The following MAPK10 variants were observed in gnomAD, a reference collection of about 807,000 sequenced individuals.
MAPK10 encodes mitogen-activated protein kinase 10.
In MAPK10, 25 loss-of-function variants were observed where a neutral mutation model predicts 59.3. The ratio of observed to expected loss-of-function variants is 0.42; its 90% CI spans 0.31 to 0.59. MAPK10 has a LOEUF of 0.59. MAPK10 is among the 20% of genes least tolerant of loss of function. MAPK10 has a pLI of 0.15. For synonymous variants in MAPK10, 190 were observed against 200.5 expected, an observed-to-expected ratio of 0.95 and a Z score of 0.44; for missense variants, 351 against 568.9, an observed-to-expected ratio of 0.62 and a Z score of 3.90.
chr4:86,025,290 T>C lies in MAPK10; in HGVS notation c.1252+3907A>G, dbSNP rs562972652. On this transcript the variant is annotated intron_variant, in intron 13 of 13. Coordinates refer to ENST00000641462, the MANE Select transcript of MAPK10 (RefSeq NM_138982.4). ...GTCCACCACTATTAGATGAAAACTA[T>C]TTGCTTCTGTATGACTCCCTCTATT... The C allele has an allele frequency of 5.2e-4, 198 of 383,454 alleles. No individual in the cohort carries two copies. The Middle Eastern group carries it at 5.3e-3, about 10-fold the overall frequency. 23.8% of individuals were successfully genotyped at this position (383,454 alleles called of 1,614,324 possible).
At chr4:86,045,672 G>C (rs538253976) in intron 11 of MAPK10, among the ~76,000 whole-genome samples, 2 of 151,792 alleles carry the variant, frequency 1.3e-5, no homozygotes, top group Non-Finnish European at 2.9e-5. Context: ...ACATGACAAT[G>C]CTTGGGAACT....
rs542167088 is a variant in MAPK10 at position 86,473,548 on chromosome 4, G to C, written c.-262-118904C>G. Among the ~76,000 whole-genome samples the C allele has an allele frequency of 9.0e-4, 137 of 152,302 alleles. 1 individual carries two copies. Among genetic ancestry groups the C allele is most frequent in the Middle Eastern group, 3.4e-3 (1 of 294 alleles). On this transcript the variant is annotated intron_variant, in intron 1 of 4. Transcript: ENST00000502302. ...TAGTCTCTCTCTTCCTCCAGCCCCA[G>C]CCTAATTTTCTCTGCTACTCACATA...
chr4:86,308,671 G>A (rs182608707), intron 2 of MAPK10: 45 of 152,150 alleles, frequency 3.0e-4, no homozygotes, highest in African/African-American at 9.4e-4. Context: ...CTGATGAATC[G>A]TCGGGCTTTT....
chr4:86,480,742 G>T (rs540477927), intron 1 of MAPK10, among the ~76,000 whole-genome samples: 1 of 152,244 alleles, frequency 6.6e-6, no homozygotes, highest in South Asian at 2.1e-4. Context: ...CATCATAAGG[G>T]TTACAGCTGT....
chr4:86,109,957 T>G (rs540684861), intron 4 of MAPK10, among the ~76,000 whole-genome samples: 1 of 152,230 alleles, frequency 6.6e-6, no homozygotes, highest in Non-Finnish European at 1.5e-5. Context: ...ATTATGGTTT[T>G]GATTTGCATT....
At chr4:86,351,840 T>G (rs1012515418) in intron 2 of MAPK10, among the ~76,000 whole-genome samples, 11 of 152,164 alleles carry the variant, frequency 7.2e-5, no homozygotes, top group African/African-American at 2.7e-4. Context: ...TATTACACAG[T>G]GAGAACTCAA....
At chr4:86,167,814 G>C (rs1211882584) in intron 3 of MAPK10, among the ~76,000 whole-genome samples, 2 of 152,134 alleles carry the variant, frequency 1.3e-5, no homozygotes, top group Non-Finnish European at 2.9e-5. Flanking sequence ...TTGAAAACTG[G>C]CACAAGACAA....
At chr4:86,103,091 G>GTGTC (rs1425061564) in intron 6 of MAPK10, 95 bp downstream of exon 6, 2 of 745,270 alleles carry the variant, frequency 2.7e-6, no homozygotes, top group African/African-American at 1.7e-5. Context: ...GTGTGTGTGT[G>GTGTC]TGTGTGTGTG....
chr4:86,164,828 C>A (rs1334484743), intron 3 of MAPK10, among the ~76,000 whole-genome samples: 1 of 151,958 alleles, frequency 6.6e-6, no homozygotes, highest in Non-Finnish European at 1.5e-5. Context: ...ATTGGTGGTA[C>A]CAATTAATAT....
At chr4:86,185,927 ATGT>A (rs1321181067) in intron 3 of MAPK10, among the ~76,000 whole-genome samples, 2 of 152,074 alleles carry the variant, frequency 1.3e-5, no homozygotes, top group African/African-American at 2.4e-5. Flanking sequence ...CTAAGTGGAG[ATGT>A]AGAACAGACA....
chr4:86,463,702 G>C (rs368280835), intron 1 of MAPK10, among the ~76,000 whole-genome samples: 1 of 152,224 alleles, frequency 6.6e-6, no homozygotes, highest in East Asian at 1.9e-4. Flanking sequence ...ATTACTAGGG[G>C]ACATTAATTG....
chr4:86,355,476 T>A (rs1466056895), intron 1 of MAPK10, among the ~76,000 whole-genome samples: 3 of 152,074 alleles, frequency 2.0e-5, no homozygotes, highest in Non-Finnish European at 4.4e-5. Flanking sequence ...ATTGCACTCA[T>A]TATCAAAACA....
chr4:86,033,134 C>T (rs571170491), intron 11 of MAPK10, among the ~76,000 whole-genome samples: 1 of 152,304 alleles, frequency 6.6e-6, no homozygotes, highest in South Asian at 2.1e-4. Context: ...AACATTCTGA[C>T]TTAGTGAGTG....
intron 4 of MAPK10, among the ~76,000 whole-genome samples, chr4:86,140,971 C>A (rs1247945841): frequency 2.0e-5 from 3 of 152,118 alleles, no homozygotes; most frequent in Admixed American, 6.5e-5. Flanking sequence ...CTCTAAATAG[C>A]AAATAATCTA....
chr4:86,101,883 G>A lies in MAPK10; in HGVS notation c.564+11C>T. 2 of 1,613,540 alleles carry A rather than the reference G, an allele frequency of 1.2e-6. No homozygotes were observed. The highest frequency in any genetic ancestry group is 1.7e-6 in the Non-Finnish European group (2 of 1,179,614). ...GCATTTGAATTGTAATCCTAGAGAAGGTGTTCTTACCCTGTGAATAATTCC... is the reference window on the plus strand; with the variant it reads ...GCATTTGAATTGTAATCCTAGAGAAAGTGTTCTTACCCTGTGAATAATTCC... On this transcript the variant is annotated intron_variant, in intron 7 of 13. Coordinates refer to ENST00000641462, the MANE Select transcript of MAPK10 (RefSeq NM_138982.4).
At chr4:86,216,576 C>T (rs1363311114) in intron 2 of MAPK10, among the ~76,000 whole-genome samples, 1 of 151,602 alleles carries the variant, frequency 6.6e-6, no homozygotes, top group Non-Finnish European at 1.5e-5. Flanking sequence ...AATCAAATAT[C>T]TATATTTTAA....
chr4:86,022,845 T>C (rs1748007868), intron 13 of MAPK10, among the ~76,000 whole-genome samples: 1 of 152,234 alleles, frequency 6.6e-6, no homozygotes, highest in Admixed American at 6.5e-5. Flanking sequence ...TACAAGTTAC[T>C]TAATGAGATA....
chr4:86,335,608 T>C (rs1720757377), intron 2 of MAPK10, among the ~76,000 whole-genome samples: 1 of 151,766 alleles, frequency 6.6e-6, no homozygotes, highest in Non-Finnish European at 1.5e-5. Context: ...TATAGTACTG[T>C]ATTAGTTTTT....
intron 1 of MAPK10, among the ~76,000 whole-genome samples, chr4:86,486,948 A>G (rs1718209415): frequency 6.6e-6 from 1 of 152,206 alleles, no homozygotes; most frequent in Non-Finnish European, 1.5e-5. Context: ...GCACGATCTG[A>G]GCCTAATCAT....
Sources: gnomAD v4.1 joint callset for allele counts (sites outside exome capture counted in the v4.1 genomes callset) on GRCh38, gnomAD v4.1.1 for gene constraint, MANE v1.5 for transcripts, NCBI Gene and HGNC (gene_info 2026-07-23, HGNC 2026-07-21) for gene names.